RUNDC3A: variants seen among roughly 807,000 people sequenced by gnomAD.
RUNDC3A encodes RUN domain-containing protein 3A.
Under a neutral mutation model 53.9 loss-of-function variants are expected in RUNDC3A, and 28 were observed. The observed-to-expected ratio is 0.52, with a 90% CI of 0.38 to 0.71. The LOEUF is 0.71. Among genes scored for constraint, RUNDC3A ranks in the 30% least tolerant of loss-of-function variants. The pLI is 0.00. For synonymous variants in RUNDC3A, 232 were observed against 249.4 expected (o/e 0.93, Z 0.66); for missense variants, 491 against 597.3 (o/e 0.82, Z 1.85).
intron 10 of RUNDC3A, chr17:44,317,074 G>C: frequency 2.6e-6 from 1 of 384,520 alleles, no homozygotes; most frequent in Non-Finnish European, 4.7e-6. Context: ...TCGAACTCCT[G>C]ACCTCAAGTG....
chr17:44,317,427 C>G (rs576184736), intron 10 of RUNDC3A: 1 of 780,808 alleles, frequency 1.3e-6, no homozygotes, highest in Admixed American at 1.7e-5. Flanking sequence ...GCTCTTATCT[C>G]ATGCACACTG....
Position 44,315,107 on chromosome 17 carries a change from G to T in RUNDC3A, c.630-48G>T. 1.9e-6 allele frequency: 3 copies of T among 1,601,340 alleles called. No individual in the cohort carries two copies. In the South Asian group the frequency reaches 3.3e-5, roughly 18 times the overall value. On this transcript the variant is annotated intron_variant, in intron 6 of 10. Coordinates refer to ENST00000426726, the MANE Select transcript of RUNDC3A (RefSeq NM_001144825.2). The surrounding 1 kb of genome is among the most constrained non-coding windows in gnomAD (Gnocchi z 6.1). ...CGCCCTCAGCGGCCAGCGCAGACGC[G>T]CGGGGGGAGGGGCGGGACCGGCCGT...
chr17:44,314,007 G>A, intron 4 of RUNDC3A: 2 of 991,936 alleles, frequency 2.0e-6, no homozygotes, highest in Non-Finnish European at 2.4e-6. Context: ...ACCACCACTT[G>A]CAAGTCAAAT....
rs369463851 is a variant in RUNDC3A, at chr17:44,314,857, G to A, written c.548+33G>A. ...CTGCCTGACGGCAGTGGTGGAGGGG[G>A]CTGTTTCCCCCATAAATGTCCTACC... On this transcript the variant is annotated intron_variant, in intron 5 of 10. Coordinates refer to ENST00000426726, the MANE Select transcript of RUNDC3A (RefSeq NM_001144825.2). 31 of 1,613,746 alleles carry A rather than the reference G, an allele frequency of 1.9e-5. No homozygotes were observed. In the Admixed American group the frequency reaches 2.8e-4, roughly 15 times the overall value.
In RUNDC3A at chr17:44,313,095, CTGGCT is replaced by C; in HGVS notation, c.224-8_224-4del. 1 of 1,612,770 alleles carries C rather than the reference CTGGCT, an allele frequency of 6.2e-7. No homozygotes were observed. Among genetic ancestry groups the C allele is most frequent in the Non-Finnish European group, 8.5e-7 (1 of 1,178,848 alleles). ...GGTCTTGCTGAGCCCCCTCCCTGCC[CTGGCT>C]CAGCCTGTGCCCCAGCAGGTCCAGT... is the stretch of plus-strand genomic sequence containing the variant. On this transcript the variant is annotated splice_polypyrimidine_tract_variant and splice_region_variant and intron_variant, in intron 2 of 10. Transcript: ENST00000426726.
chr17:44,312,004 G>C (rs905482560), intron 1 of RUNDC3A, among the ~76,000 whole-genome samples: 1 of 152,172 alleles, frequency 6.6e-6, no homozygotes, highest in African/African-American at 2.4e-5. Context: ...GGGGGGAAGG[G>C]GGTATCTGTG....
At chr17:44,318,059 G>T (rs2047908434) in intron 10 of RUNDC3A, 37 bp from the exon 11 acceptor site, 2 of 1,545,398 alleles carry the variant, frequency 1.3e-6, no homozygotes, top group South Asian at 1.2e-5. Context: ...CACACATGTA[G>T]ACTGGTCGCT....
chr17:44,314,523 T>G, intron 4 of RUNDC3A: 1 of 1,409,852 alleles, frequency 7.1e-7, no homozygotes, highest in Non-Finnish European at 9.2e-7. Flanking sequence ...GAGGGAGGAG[T>G]CGGCTCAGGG....
chr17:44,312,446 C>T (rs72824724), intron 1 of RUNDC3A, 134 bp from the exon 2 acceptor site: 34,413 of 621,844 alleles, frequency 0.055, 1,206 homozygotes, highest in Non-Finnish European at 0.068. Context: ...CCTGTCTCCC[C>T]ACTCGCTCTG....
intron 1 of RUNDC3A, chr17:44,311,459 T>A: frequency 1.7e-6 from 1 of 572,286 alleles, no homozygotes; most frequent in Non-Finnish European, 2.2e-6. Flanking sequence ...TCTTTACCTG[T>A]AAAATGGGGA....
At position 44,308,978 on chromosome 17, in the gene RUNDC3A, G is replaced by A. The variant is rs763955752; in HGVS notation, c.107+39G>A. The A allele has an allele frequency of 2.9e-6, 4 of 1,377,068 alleles. No homozygotes were observed. The South Asian group carries it at 5.0e-5, about 17-fold the overall frequency. The allele number at this position is 1,377,068 out of a possible 1,614,324, so 85.3% of individuals were successfully genotyped here. A position where few individuals can be genotyped will look rare whatever the true frequency, so the allele number is the denominator to read the frequency against. ...GTGGGCGGGGGCTGGGGTGGTGAGG[G>A]AGAGGGGTTGGGGTGGACTGCGGAA... On this transcript the variant is annotated intron_variant, in intron 1 of 10. Coordinates refer to ENST00000426726, the MANE Select transcript of RUNDC3A (RefSeq NM_001144825.2).
In RUNDC3A at chr17:44,308,732, C is replaced by A; in HGVS notation, c.-101C>A. 1 of 711,000 alleles carries A rather than the reference C, an allele frequency of 1.4e-6. No homozygotes were observed. Among genetic ancestry groups the A allele is most frequent in the East Asian group, 3.1e-5 (1 of 32,316 alleles). The allele number at this position is 711,000 out of a possible 1,614,324, so 44.0% of individuals were successfully genotyped here. A position where few individuals can be genotyped will look rare whatever the true frequency, so the allele number is the denominator to read the frequency against. On this transcript the variant is annotated 5_prime_UTR_variant, in exon 1 of 11. Coordinates refer to ENST00000426726, the MANE Select transcript of RUNDC3A (RefSeq NM_001144825.2). The stretch of plus-strand genomic sequence containing the variant: ...GGATGGCCATGGAAGGGTTGAGGGG[C>A]CCCGTCGGACAGAGGGCCCAGCCGT...
rs910385304 is a variant in RUNDC3A, at chr17:44,318,622, T to C, written c.*384T>C. 7.9e-5 allele frequency: 15 copies of C among 190,622 alleles called. No homozygotes were observed. Among genetic ancestry groups the C allele is most frequent in the African/African-American group, 3.2e-4 (14 of 43,222 alleles). 11.8% of individuals were successfully genotyped at this position (190,622 alleles called of 1,614,324 possible). A position where few individuals can be genotyped will look rare whatever the true frequency, so the allele number is the denominator to read the frequency against. ...TCTGTGTATGGCCTGGAGTCACTCC[T>C]TCCTCAGCCCCCAGGGCAAGAGAGC... is the stretch of plus-strand genomic sequence containing the variant. On this transcript the variant is annotated 3_prime_UTR_variant, in exon 11 of 11. Transcript: ENST00000426726.
Position 44,312,642 on chromosome 17 carries a change from A to G in RUNDC3A, c.170A>G (p.Glu57Gly). Residue 57 changes from glutamate to glycine, a missense_variant, in exon 2 of 11, where the codon GAG becomes GGG. By Grantham distance (98) the Glu-to-Gly change is moderately conservative. Transcript: ENST00000426726. ...TAEPIDDSSE[E>G]FVNFAAILEQ... ...GAGCCCATCGATGACTCATCGGAGGAGTTTGTCAATTTTGCAGCCATTTTA... is the reference window on the plus strand; with the variant it reads ...GAGCCCATCGATGACTCATCGGAGGGGTTTGTCAATTTTGCAGCCATTTTA... The G allele has an allele frequency of 6.3e-7, 1 of 1,586,886 alleles. No individual in the cohort carries two copies. The highest frequency in any genetic ancestry group is 1.3e-5 in the African/African-American group (1 of 74,316).
chr17:44,316,130 C>A (rs750015249), intron 8 of RUNDC3A, among the ~76,000 whole-genome samples: 44 of 152,230 alleles, frequency 2.9e-4, no homozygotes, highest in Non-Finnish European at 6.0e-4. Context: ...CACTGACGTC[C>A]CCATCACCCC....
At chr17:44,309,364 T>C (rs2047705471) in intron 1 of RUNDC3A, among the ~76,000 whole-genome samples, 1 of 152,148 alleles carries the variant, frequency 6.6e-6, no homozygotes, top group Non-Finnish European at 1.5e-5. Flanking sequence ...GGGGTGGGGT[T>C]CTCCAATGCT....
chr17:44,316,446 C>G lies in RUNDC3A; in HGVS notation c.1015C>G (p.Pro339Ala), dbSNP rs771802762. The G allele has an allele frequency of 6.2e-7, 1 of 1,613,806 alleles. No individual in the cohort carries two copies. Among genetic ancestry groups the G allele is most frequent in the Non-Finnish European group, 8.5e-7 (1 of 1,179,850 alleles). The change falls in exon 9 of 11, where the codon CCC becomes GCC. Residue 339 changes from proline (P) to alanine (A), a missense_variant. This residue lies in a region of RUNDC3A where 218 missense variants were observed against 208.2 expected (regional missense o/e 1.05). Transcript: ENST00000426726. ...CCAGGGTTCCAAGGAGCTCACTACA[C>G]CCCTGGTCAATCAATGGCCCTCACT... ...LAQGSKELTT[P>A]LVNQWPSLGT... is the part of the protein sequence containing the mutation.
At chr17:44,312,021 G>T (rs2047757274) in intron 1 of RUNDC3A, among the ~76,000 whole-genome samples, 1 of 152,166 alleles carries the variant, frequency 6.6e-6, no homozygotes, top group South Asian at 2.1e-4. Context: ...TGTGTACTGG[G>T]AGCCCACCTG....
chr17:44,317,990 G>A, intron 10 of RUNDC3A, 106 bp from the exon 11 acceptor site: 2 of 1,179,186 alleles, frequency 1.7e-6, no homozygotes, highest in Non-Finnish European at 2.4e-6. Context: ...AATATGCCAA[G>A]GTCTCCTGGG....
Sources: allele counts gnomAD v4.1 joint callset (sites outside exome capture counted in the v4.1 genomes callset), GRCh38; gene constraint gnomAD v4.1.1; regional missense constraint gnomAD v4.1.1; non-coding constraint Gnocchi (gnomAD v3.1); transcripts MANE v1.5; gene names NCBI Gene and HGNC (gene_info 2026-07-23, HGNC 2026-07-21).